TET1: variants seen among roughly 807,000 people sequenced by gnomAD.
The protein encoded by TET1 is tet methylcytosine dioxygenase 1.
Under a neutral mutation model 148.7 loss-of-function variants are expected in TET1, and 13 were observed. That is an observed-to-expected ratio of 0.09 (90% CI 0.06 to 0.14). The LOEUF (loss-of-function observed/expected upper bound fraction) is 0.14, where lower values mean the gene tolerates loss of function less well. Among genes scored for constraint, TET1 ranks in the 10% least tolerant of loss-of-function variants. TET1 has a pLI of 1.00. For missense variants in TET1, 2,182 were observed against 2,553.8 expected, an observed-to-expected ratio of 0.85 and a Z score of 3.14; for synonymous variants, 907 against 937.2, an observed-to-expected ratio of 0.97 and a Z score of 0.59.
In TET1 at chr10:68,624,683, TC is replaced by T. The variant is rs1564975208; in HGVS notation, c.1969-20014del. Among the ~76,000 whole-genome samples the T allele has an allele frequency of 1.1e-3, 141 of 131,548 alleles. 1 individual carries two copies. Among genetic ancestry groups the T allele is most frequent in the South Asian group, 1.5e-3 (6 of 3,910 alleles). The allele number at this position is 131,548 out of a possible 152,430, so 86.3% of individuals were successfully genotyped here. ...TTCTCTCTCTCTCTCTCTCTCTCTC[TC>T]TCTCTCTCTCTCTTTCTTTCTTTTC... On this transcript the variant is annotated intron_variant, in intron 3 of 11. Transcript: ENST00000373644.
intron 2 of TET1, among the ~76,000 whole-genome samples, chr10:68,588,809 T>C (rs959728758): frequency 1.4e-5 from 2 of 145,910 alleles, no homozygotes; most frequent in African/African-American, 5.0e-5. Flanking sequence ...ATATTTTTAG[T>C]GAGACCCTGT....
In TET1 at chr10:68,615,889, C is replaced by T. The variant is rs966433660; in HGVS notation, c.1968+14855C>T. ...CTCGAACTCCCGACCTCAGGTGATC[C>T]GCCCGCTTTGGCCTCCCAAAGTGCT... On this transcript the variant is annotated intron_variant, in intron 3 of 11. Coordinates refer to ENST00000373644, the MANE Select transcript of TET1 (RefSeq NM_030625.3). Among the ~76,000 whole-genome samples the T allele has an allele frequency of 6.6e-5, 10 of 152,278 alleles. No individual in the cohort carries two copies. In the Middle Eastern group the frequency reaches 0.01, roughly 155 times the overall value.
chr10:68,640,226 CTG>C (rs1024379257), intron 3 of TET1, among the ~76,000 whole-genome samples: 1 of 150,708 alleles, frequency 6.6e-6, no homozygotes, highest in African/African-American at 2.4e-5. Context: ...CATGCCCTGT[CTG>C]TCATTTATTT....
chr10:68,647,603 T>TA (rs775871143), intron 4 of TET1, among the ~76,000 whole-genome samples: 226 of 141,214 alleles, frequency 1.6e-3, no homozygotes, highest in East Asian at 4.8e-3. Context: ...GACCCTGTCT[T>TA]AAAAAAAAAA....
chr10:68,689,162 A>G (rs1007422711), intron 11 of TET1, among the ~76,000 whole-genome samples: 1 of 152,142 alleles, frequency 6.6e-6, no homozygotes, highest in Non-Finnish European at 1.5e-5. Context: ...TAATAGTGCC[A>G]CTGATAACAA....
intron 6 of TET1, among the ~76,000 whole-genome samples, chr10:68,662,225 T>C (rs182107626): frequency 5.9e-5 from 9 of 152,108 alleles, no homozygotes; most frequent in African/African-American, 1.9e-4. Context: ...GCCAGGCCAG[T>C]CTCGAACTCC....
intron 3 of TET1, among the ~76,000 whole-genome samples, chr10:68,615,796 T>G (rs1589078791): frequency 6.6e-6 from 1 of 151,918 alleles, no homozygotes; most frequent in African/African-American, 2.4e-5. Context: ...CATGTGCCAC[T>G]ACGCCTACGC....
chr10:68,614,522 A>G (rs2054261100), intron 3 of TET1, among the ~76,000 whole-genome samples: 1 of 152,056 alleles, frequency 6.6e-6, no homozygotes, highest in Non-Finnish European at 1.5e-5. Flanking sequence ...TCACTTCTTA[A>G]TTTTTTGAGA....
chr10:68,684,375 CTTTTTT>C (rs5785868), intron 10 of TET1, among the ~76,000 whole-genome samples: 1 of 139,482 alleles, frequency 7.2e-6, no homozygotes, highest in Non-Finnish European at 1.5e-5. Flanking sequence ...GCCACAACAA[CTTTTTT>C]TTTTTTTTTT....
intron 4 of TET1, among the ~76,000 whole-genome samples, chr10:68,651,235 G>C (rs921068434): frequency 2.0e-5 from 3 of 152,096 alleles, no homozygotes; most frequent in Non-Finnish European, 4.4e-5. Context: ...GAGGCACAAG[G>C]TCAGGAGATT....
intron 3 of TET1, among the ~76,000 whole-genome samples, chr10:68,629,711 G>A (rs2054540412): frequency 6.6e-6 from 1 of 151,758 alleles, no homozygotes; most frequent in Non-Finnish European, 1.5e-5. Context: ...CCAATTTTTT[G>A]TATTTTAGTA....
chr10:68,691,117 G>A lies in TET1; in HGVS notation c.5714G>A (p.Gly1905Asp), dbSNP rs1196528535. 2.4e-5 allele frequency: 39 copies of A among 1,614,068 alleles called. No homozygotes were observed. The highest frequency in any genetic ancestry group is 3.3e-5 in the Non-Finnish European group (39 of 1,180,040). ...AADGPGISQL[G>D]EVAPLPTLSA... ...GATGGCCCTGGCATTTCACAGCTTG[G>A]CGAAGTGGCTCCTCTCCCCACCCTG... Residue 1905 changes from glycine (G) to aspartate (D), a missense_variant, in exon 12 of 12, where the codon GGC becomes GAC. Gly to Asp is a moderately conservative substitution (Grantham distance 94). Coordinates refer to ENST00000373644, the MANE Select transcript of TET1 (RefSeq NM_030625.3). The surrounding 1 kb of genome is among the most constrained non-coding windows in gnomAD (Gnocchi z 4.4).
At position 68,573,232 on chromosome 10, in the gene TET1, C is replaced by T; in HGVS notation, c.894C>T (p.Pro298=). ...DPIKSEHDCY[P]TSSLNKVIPD... is the part of the protein sequence containing the mutation. ...TTAAAAGTGAACATGATTGCTACCC[C>T]ACCTCCAGTCTTAATAAGGTTATAC... is the stretch of plus-strand genomic sequence containing the variant. Residue 298 remains proline (P), a synonymous_variant, in exon 2 of 12, where the codon CCC becomes CCT. Transcript: ENST00000373644. 1 of 1,613,970 alleles carries T rather than the reference C, an allele frequency of 6.2e-7. No individual in the cohort carries two copies. Among genetic ancestry groups the T allele is most frequent in the Non-Finnish European group, 8.5e-7 (1 of 1,179,998 alleles).
intron 7 of TET1, among the ~76,000 whole-genome samples, chr10:68,672,511 A>AAAAC (rs35398085): frequency 4.6e-5 from 6 of 130,824 alleles, no homozygotes; most frequent in Admixed American, 3.0e-4. Flanking sequence ...AAAAAAAAAA[A>AAAAC]CACCAAAAAA....
rs74412312 is a variant in TET1 at position 68,645,682 on chromosome 10, G to T, written c.2953G>T (p.Ala985Ser). Reference sequence around the variant, plus strand: ...CCTTTCCAACTCACATATCAACTCAGCTACTAACCAAGCATCCACAAAGTC... The same window carrying T: ...CCTTTCCAACTCACATATCAACTCATCTACTAACCAAGCATCCACAAAGTC... ...TTLSNSHINS[A>S]TNQASTKSHE... The change falls in exon 4 of 12, where the codon GCT becomes TCT. Residue 985 changes from alanine to serine, a missense_variant. Coordinates refer to ENST00000373644, the MANE Select transcript of TET1 (RefSeq NM_030625.3). The T allele has an allele frequency of 3.8e-3, 6,175 of 1,614,066 alleles. 212 individuals are homozygous for T. The African/African-American group carries it at 0.072, about 19-fold the overall frequency.
chr10:68,640,591 G>A (rs778621855), intron 3 of TET1, among the ~76,000 whole-genome samples: 35 of 75,648 alleles, frequency 4.6e-4, no homozygotes, highest in Non-Finnish European at 6.6e-4. Flanking sequence ...TTGTTCTGTC[G>A]CCCAGGCTGG....
chr10:68,597,527 T>C (rs2054002722), intron 2 of TET1, among the ~76,000 whole-genome samples: 1 of 152,210 alleles, frequency 6.6e-6, no homozygotes, highest in South Asian at 2.1e-4. Context: ...CTGATGGGAA[T>C]GTAAAATGGT....
At chr10:68,613,991 A>G (rs1240900378) in intron 3 of TET1, among the ~76,000 whole-genome samples, 3 of 152,124 alleles carry the variant, frequency 2.0e-5, no homozygotes, top group Admixed American at 6.6e-5. Context: ...CCTTATTTGA[A>G]GGTTATTTGC....
chr10:68,587,078 G>C (rs1001905916), intron 2 of TET1, among the ~76,000 whole-genome samples: 5 of 152,194 alleles, frequency 3.3e-5, no homozygotes, highest in Non-Finnish European at 7.3e-5. Context: ...TGGTTTCACT[G>C]TTCCCATGTG....
Sources: allele counts gnomAD v4.1 joint callset (sites outside exome capture counted in the v4.1 genomes callset), GRCh38; gene constraint gnomAD v4.1.1; non-coding constraint Gnocchi (gnomAD v3.1); transcripts MANE v1.5; gene names NCBI Gene and HGNC (gene_info 2026-07-23, HGNC 2026-07-21).